RNF216: variants seen among roughly 807,000 people sequenced by gnomAD.
RNF216 encodes E3 ubiquitin-protein ligase RNF216.
RNF216 carries 72 observed loss-of-function variants against 110.8 expected under a neutral mutation model. The observed-to-expected ratio is 0.65, with a 90% confidence interval of 0.54 to 0.79. The LOEUF (loss-of-function observed/expected upper bound fraction) is 0.79, where lower values mean the gene tolerates loss of function less well. Among genes scored for constraint, RNF216 ranks in the 30% least tolerant of loss-of-function variants. The probability of loss-of-function intolerance (pLI) is 0.00; values close to 1 mark genes in which losing one functional copy is unlikely to be tolerated. For synonymous variants in RNF216, 495 were observed against 407.5 expected (o/e 1.21, Z -2.59); for missense variants, 1,342 against 1,141.2 (o/e 1.18, Z -2.54).
chr7:5,753,249 G>A (rs775596856), intron 2 of RNF216, among the ~76,000 whole-genome samples: 1 of 152,110 alleles, frequency 6.6e-6, no homozygotes, highest in Admixed American at 6.5e-5. Flanking sequence ...GGAGAAATCT[G>A]TTTACAAAAT....
chr7:5,766,275 G>A (rs937875112), intron 1 of RNF216, among the ~76,000 whole-genome samples: 4 of 152,304 alleles, frequency 2.6e-5, no homozygotes, highest in African/African-American at 9.6e-5. Context: ...GGGTGACAGA[G>A]TGAGACACTG....
chr7:5,739,557 G>C, intron 4 of RNF216: 1 of 649,918 alleles, frequency 1.5e-6, no homozygotes. Flanking sequence ...GGTCTTGAGA[G>C]ATCTGGTTCT....
chr7:5,675,301 G>A (rs1790210088), intron 13 of RNF216, among the ~76,000 whole-genome samples: 1 of 152,286 alleles, frequency 6.6e-6, no homozygotes, highest in South Asian at 2.1e-4. Context: ...AGAAGCCCCA[G>A]AGGGGACAGG....
chr7:5,770,911 G>A (rs1326986588), intron 1 of RNF216, among the ~76,000 whole-genome samples: 2 of 151,828 alleles, frequency 1.3e-5, no homozygotes, highest in Non-Finnish European at 2.9e-5. Flanking sequence ...GGGTTCAAGC[G>A]ATTCTCCTGC....
At chr7:5,623,924 T>A (rs1355440384) in intron 16 of RNF216, 132 bp downstream of exon 16, 1 of 711,246 alleles carries the variant, frequency 1.4e-6, no homozygotes, top group Non-Finnish European at 2.3e-6. Context: ...AAGTCAGGTC[T>A]ATAGCCACCT....
At chr7:5,688,303 AAC>A (rs1791112637) in intron 13 of RNF216, among the ~76,000 whole-genome samples, 1 of 152,264 alleles carries the variant, frequency 6.6e-6, no homozygotes, top group Admixed American at 6.5e-5. Flanking sequence ...TACATAAAAA[AAC>A]AGACTCACAT....
chr7:5,748,251 C>T (rs1795141786), intron 3 of RNF216, among the ~76,000 whole-genome samples: 2 of 152,140 alleles, frequency 1.3e-5, no homozygotes. Flanking sequence ...TGTCTTTGTG[C>T]CCTACAGTTC....
At chr7:5,715,225 T>C (rs769780767) in intron 10 of RNF216, 35 bp from the exon 11 acceptor site, 3 of 1,599,706 alleles carry the variant, frequency 1.9e-6, no homozygotes, top group African/African-American at 1.3e-5. Flanking sequence ...TGAAATGTCC[T>C]GCACTTAAGG....
At chr7:5,684,377 G>C (rs993657435) in intron 13 of RNF216, among the ~76,000 whole-genome samples, 7 of 151,382 alleles carry the variant, frequency 4.6e-5, no homozygotes, top group Admixed American at 3.9e-4. Context: ...AAAGTCCTGG[G>C]ATTACAGGTG....
intron 13 of RNF216, among the ~76,000 whole-genome samples, chr7:5,682,176 A>T (rs956313049): frequency 6.6e-6 from 1 of 152,180 alleles, no homozygotes; most frequent in Non-Finnish European, 1.5e-5. Flanking sequence ...TAAATTGCAA[A>T]GTTGGCAGAT....
intron 14 of RNF216, among the ~76,000 whole-genome samples, chr7:5,647,635 A>G (rs1419318361): frequency 6.6e-6 from 1 of 151,698 alleles, no homozygotes; most frequent in Non-Finnish European, 1.5e-5. Flanking sequence ...TCATTTTCCT[A>G]TACTTAATCT....
chr7:5,657,058 C>A (rs564273070), intron 13 of RNF216, among the ~76,000 whole-genome samples: 1 of 152,242 alleles, frequency 6.6e-6, no homozygotes, highest in African/African-American at 2.4e-5. Context: ...CGTCCCCATG[C>A]GTGCTAGATT....
At chr7:5,686,000 A>G (rs1389804589) in intron 13 of RNF216, among the ~76,000 whole-genome samples, 1 of 152,028 alleles carries the variant, frequency 6.6e-6, no homozygotes, top group Non-Finnish European at 1.5e-5. Context: ...AGGCGGACGG[A>G]TCATCTGAGG....
intron 13 of RNF216, among the ~76,000 whole-genome samples, chr7:5,684,624 T>C (rs1790865540): frequency 6.6e-6 from 1 of 152,292 alleles, no homozygotes; most frequent in Admixed American, 6.5e-5. Flanking sequence ...GCCACGTAGC[T>C]TTCCCAGTTC....
intron 13 of RNF216, among the ~76,000 whole-genome samples, chr7:5,654,802 GCT>G (rs1788630673): frequency 6.6e-6 from 1 of 151,230 alleles, no homozygotes; most frequent in Non-Finnish European, 1.5e-5. Flanking sequence ...ATGCGGATAT[GCT>G]CTGTTCCCTC....
chr7:5,725,675 C>G (rs1364643641), intron 7 of RNF216, among the ~76,000 whole-genome samples: 3 of 152,070 alleles, frequency 2.0e-5, no homozygotes, highest in Non-Finnish European at 4.4e-5. Flanking sequence ...CATGGTGAAA[C>G]CCTGTCTGTA....
chr7:5,669,672 C>T (rs1219462931), intron 13 of RNF216, among the ~76,000 whole-genome samples: 2 of 152,148 alleles, frequency 1.3e-5, no homozygotes, highest in Non-Finnish European at 2.9e-5. Flanking sequence ...GTGGGCGGAT[C>T]ACTTGAGGTC....
intron 1 of RNF216, among the ~76,000 whole-genome samples, chr7:5,774,562 G>A (rs191308219): frequency 4.6e-5 from 7 of 152,256 alleles, no homozygotes; most frequent in Non-Finnish European, 7.4e-5. Context: ...TTTATTAACT[G>A]TTACCTGCGA....
intron 13 of RNF216, among the ~76,000 whole-genome samples, chr7:5,710,006 A>C (rs1488548365): frequency 6.6e-6 from 1 of 152,166 alleles, no homozygotes; most frequent in African/African-American, 2.4e-5. Context: ...CTCCTGCCTC[A>C]GCCTCTCAAA....
Sources: gnomAD v4.1 joint callset for allele counts (sites outside exome capture counted in the v4.1 genomes callset) on GRCh38, gnomAD v4.1.1 for gene constraint, MANE v1.5 for transcripts, NCBI Gene and HGNC (gene_info 2026-07-23, HGNC 2026-07-21) for gene names.